The following TMEM97 variants were observed in gnomAD, a reference collection of about 807,000 sequenced individuals.
The protein encoded by TMEM97 is transmembrane protein 97.
Under a neutral mutation model 18.3 loss-of-function variants are expected in TMEM97, and 13 were observed. The ratio of observed to expected loss-of-function variants is 0.71; its 90% CI spans 0.46 to 1.13. TMEM97 has a LOEUF of 1.13. Ranked by LOEUF, TMEM97 falls within the 50% of genes most tolerant of loss-of-function variation. The pLI is 0.00. For missense variants in TMEM97, 205 were observed against 210.5 expected, an observed-to-expected ratio of 0.97 and a Z score of 0.16; for synonymous variants, 76 against 85.3, an observed-to-expected ratio of 0.89 and a Z score of 0.60.
chr17:28,328,108 C>T lies in TMEM97; in HGVS notation c.*1315C>T, dbSNP rs561440618. On this transcript the variant is annotated 3_prime_UTR_variant, in exon 3 of 3. Transcript: ENST00000226230. ...AGTTCAACCTTAAAATGATGTTAGACAACAGGTCCCAGTCAGTTCCCTCTA... is the reference window on the plus strand; with the variant it reads ...AGTTCAACCTTAAAATGATGTTAGATAACAGGTCCCAGTCAGTTCCCTCTA... 5.8e-4 allele frequency: 89 copies of T among 153,326 alleles called. No homozygotes were observed. The highest frequency in any genetic ancestry group is 9.5e-4 in the Non-Finnish European group (65 of 68,510). 9.5% of individuals were successfully genotyped at this position (153,326 alleles called of 1,614,324 possible).
chr17:28,324,146 G>C (rs1353995484), intron 1 of TMEM97, among the ~76,000 whole-genome samples: 2 of 152,104 alleles, frequency 1.3e-5, no homozygotes, highest in African/African-American at 4.8e-5. Context: ...CCCTGGAGAG[G>C]GACAGTGACT....
Position 28,327,894 on chromosome 17 carries a change from G to C in TMEM97, c.*1101G>C, listed in dbSNP as rs1906431283. 6.6e-6 allele frequency: 1 copy of C among 152,186 alleles called. No homozygotes were observed. The highest frequency in any genetic ancestry group is 6.5e-5 in the Admixed American group (1 of 15,280). 9.4% of individuals were successfully genotyped at this position (152,186 alleles called of 1,614,324 possible). On this transcript the variant is annotated 3_prime_UTR_variant, in exon 3 of 3. Coordinates refer to ENST00000226230, the MANE Select transcript of TMEM97 (RefSeq NM_014573.3). ...TGTATCTGAAGTCTAGCATCTCAAG[G>C]CTGATCTGGAAGTGTGCTAGTATGC...
intron 1 of TMEM97, among the ~76,000 whole-genome samples, chr17:28,321,667 T>G (rs1906146150): frequency 6.6e-6 from 1 of 152,152 alleles, no homozygotes; most frequent in Non-Finnish European, 1.5e-5. Flanking sequence ...GCTCAAGCCA[T>G]CCTCCTGCCT....
rs1906041201 is a variant in TMEM97, at chr17:28,319,354, T to C, written c.115T>C (p.Tyr39His). The C allele has an allele frequency of 6.2e-7, 1 of 1,601,974 alleles. No homozygotes were observed. The highest frequency in any genetic ancestry group is 1.7e-5 in the Admixed American group (1 of 58,716). The stretch of plus-strand genomic sequence containing the variant: ...GCAGGCGGTGCTGCCGCGCGAGCTC[T>C]ACCCAGTCGAGGTGAGGGGCGCCCC... ...DLQAVLPREL[Y>H]PVEFRNLLKW... Residue 39 changes from tyrosine to histidine, a missense_variant, in exon 1 of 3, where the codon TAC becomes CAC. Physicochemically the swap from Tyr to His is moderately conservative, Grantham distance 83. Transcript: ENST00000226230.
intron 1 of TMEM97, 67 bp downstream of exon 1, chr17:28,319,432 C>T: frequency 7.5e-6 from 11 of 1,471,316 alleles, no homozygotes; most frequent in Non-Finnish European, 9.9e-6. Context: ...AGGGCCTTCA[C>T]CTCCTCCGCG....
chr17:28,319,715 C>T (rs1906071633), intron 1 of TMEM97: 2 of 196,142 alleles, frequency 1.0e-5, no homozygotes, highest in Admixed American at 6.1e-5. Flanking sequence ...TTGCTTTAAG[C>T]TTCTGGTTTT....
chr17:28,319,527 C>T (rs1202111473), intron 1 of TMEM97, 162 bp downstream of exon 1: 8 of 893,522 alleles, frequency 9.0e-6, no homozygotes, highest in African/African-American at 3.5e-5. Flanking sequence ...TCGGTGTTTT[C>T]CTCGGGCTTT....
At chr17:28,319,498 C>T in intron 1 of TMEM97, 133 bp downstream of exon 1, 2 of 1,117,706 alleles carry the variant, frequency 1.8e-6, no homozygotes, top group Non-Finnish European at 2.4e-6. Context: ...GCCTCCCCCG[C>T]TCCTAACCCA....
At chr17:28,324,154 A>G (rs1906248637) in intron 1 of TMEM97, among the ~76,000 whole-genome samples, 1 of 152,220 alleles carries the variant, frequency 6.6e-6, no homozygotes, top group South Asian at 2.1e-4. Context: ...AGGGACAGTG[A>G]CTTAGCCTTT....
At chr17:28,326,472 TCATGGA>T (rs1659823693) in intron 2 of TMEM97, 56 bp from the exon 3 acceptor site, 1 of 1,557,032 alleles carries the variant, frequency 6.4e-7, no homozygotes, top group Non-Finnish European at 8.7e-7. Flanking sequence ...AGTGGGAAGG[TCATGGA>T]CACCTTTGAG....
chr17:28,319,283 G>T lies in TMEM97; in HGVS notation c.44G>T (p.Gly15Val). The change falls in exon 1 of 3, where the codon GGC becomes GTC. Residue 15 changes from glycine (G) to valine (V), a missense_variant. Coordinates refer to ENST00000226230, the MANE Select transcript of TMEM97 (RefSeq NM_014573.3). ...ATRRCVEWLL[G>V]LYFLSHIPIT... ...AGGCGCTGCGTGGAGTGGCTGCTGG[G>T]CCTCTACTTCCTCAGCCACATCCCC... 6.2e-7 allele frequency: 1 copy of T among 1,610,554 alleles called. No homozygotes were observed. The highest frequency in any genetic ancestry group is 1.1e-5 in the South Asian group (1 of 90,918).
In TMEM97 at chr17:28,326,964, A is replaced by AAT; in HGVS notation, c.*171_*172insAT. On this transcript the variant is annotated 3_prime_UTR_variant, in exon 3 of 3. Transcript: ENST00000226230. Reference sequence around the variant, plus strand: ...CCATGTCAAACCCTCACCTTCTTCCATTTTTTTTTTTTTTTTAAGACAGTC... The same window carrying AAT: ...CCATGTCAAACCCTCACCTTCTTCCAATTTTTTTTTTTTTTTTTAAGACAGTC... 1 of 619,524 alleles carries AAT rather than the reference A, an allele frequency of 1.6e-6. No homozygotes were observed. The highest frequency in any genetic ancestry group is 2.6e-6 in the Non-Finnish European group (1 of 387,796). The allele number at this position is 619,524 out of a possible 1,614,324, so 38.4% of individuals were successfully genotyped here.
chr17:28,319,287 C>T lies in TMEM97; in HGVS notation c.48C>T (p.Leu16=). ...GCTGCGTGGAGTGGCTGCTGGGCCT[C>T]TACTTCCTCAGCCACATCCCCATCA... ...TRRCVEWLLG[L]YFLSHIPITL... The change falls in exon 1 of 3, where the codon CTC becomes CTT. Residue 16 remains leucine, a synonymous_variant. Transcript: ENST00000226230. 6.2e-7 allele frequency: 1 copy of T among 1,611,062 alleles called. No individual in the cohort carries two copies. The highest frequency in any genetic ancestry group is 2.2e-5 in the East Asian group (1 of 44,492).
intron 1 of TMEM97, among the ~76,000 whole-genome samples, chr17:28,324,466 G>A (rs1906260373): frequency 6.6e-6 from 1 of 152,142 alleles, no homozygotes; most frequent in Non-Finnish European, 1.5e-5. Flanking sequence ...ATTTTCCATT[G>A]TAAGTAAGAT....
rs1244514700 is a variant in TMEM97 at position 28,325,538 on chromosome 17, C to G, written c.162C>G (p.Phe54Leu). The change falls in exon 2 of 3, where the codon TTC (phenylalanine) becomes TTG (leucine). Residue 54 changes from phenylalanine to leucine, a missense_variant. By Grantham distance (22) the Phe-to-Leu change is conservative. Transcript: ENST00000226230. ...TGCTGAAGTGGTATGCTAAGGAGTT[C>G]AAAGACCCACTGCTACAGGAGCCCC... ...RNLLKWYAKE[F>L]KDPLLQEPPA... 2 of 1,614,062 alleles carry G rather than the reference C, an allele frequency of 1.2e-6. No homozygotes were observed. The highest frequency in any genetic ancestry group is 2.7e-5 in the African/African-American group (2 of 74,912).
intron 1 of TMEM97, among the ~76,000 whole-genome samples, chr17:28,324,231 G>T (rs1037376383): frequency 1.3e-5 from 2 of 152,182 alleles, no homozygotes; most frequent in Non-Finnish European, 2.9e-5. Flanking sequence ...AGAAGGAAGC[G>T]AAGGGCATTG....
At position 28,325,504 on chromosome 17, in the gene TMEM97, T is replaced by C; in HGVS notation, c.128T>C (p.Phe43Ser). Reference protein sequence around the residue: ...VLPRELYPVEFRNLLKWYAKE... With the variant: ...VLPRELYPVESRNLLKWYAKE... ...CATCATGATCGTTTTCTTTTTCAGT[T>C]TAGAAACCTGCTGAAGTGGTATGCT... The change falls in exon 2 of 3, where the codon TTT (phenylalanine) becomes TCT (serine). Residue 43 changes from phenylalanine (F) to serine (S), a missense_variant and splice_region_variant. Coordinates refer to ENST00000226230, the MANE Select transcript of TMEM97 (RefSeq NM_014573.3). 6.2e-7 allele frequency: 1 copy of C among 1,613,554 alleles called. No individual in the cohort carries two copies. Among genetic ancestry groups the C allele is most frequent in the South Asian group, 1.1e-5 (1 of 90,882 alleles).
Position 28,325,723 on chromosome 17 carries a change from A to G in TMEM97, c.271+76A>G, listed in dbSNP as rs535949153. 1.1e-5 allele frequency: 18 copies of G among 1,584,808 alleles called. No individual in the cohort carries two copies. The South Asian group carries it at 1.8e-4, about 16-fold the overall frequency. On this transcript the variant is annotated intron_variant, in intron 2 of 2. Transcript: ENST00000226230. ...AAATCTTTTGGGAAAGTATCTCCAA[A>G]GGGAAGGGGATGGTCCCCATAGTTT...
chr17:28,323,786 G>A (rs1041546236), intron 1 of TMEM97, among the ~76,000 whole-genome samples: 9 of 152,188 alleles, frequency 5.9e-5, no homozygotes, highest in Non-Finnish European at 8.8e-5. Flanking sequence ...AGCGAGGATC[G>A]CTTGTGCCCA....
Sources: allele counts gnomAD v4.1 joint callset (sites outside exome capture counted in the v4.1 genomes callset), GRCh38; gene constraint gnomAD v4.1.1; transcripts MANE v1.5; gene names NCBI Gene and HGNC (gene_info 2026-07-23, HGNC 2026-07-21).